Variants in TTC39B observed in about 807,000 individuals in gnomAD.
TTC39B encodes tetratricopeptide repeat protein 39B.
Under a neutral mutation model 96.6 loss-of-function variants are expected in TTC39B, and 92 were observed. The ratio of observed to expected loss-of-function variants is 0.95; its 90% CI spans 0.80 to 1.13. TTC39B has a LOEUF of 1.13. TTC39B is among the 50% of genes most tolerant of loss of function. The pLI is 0.00. For synonymous variants in TTC39B, 367 were observed against 299.4 expected (o/e 1.23, Z -2.33); for missense variants, 955 against 809.3 (o/e 1.18, Z -2.18).
chr9:15,268,136 G>C (rs1281249456), intron 1 of TTC39B, among the ~76,000 whole-genome samples, 188 bp from the exon 2 acceptor site: 2 of 152,184 alleles, frequency 1.3e-5, no homozygotes, highest in African/African-American at 4.8e-5. Flanking sequence ...ATGCATTTCA[G>C]TGACGTTTAA....
intron 1 of TTC39B, among the ~76,000 whole-genome samples, chr9:15,276,104 T>A (rs1488774040): frequency 1.3e-5 from 2 of 152,090 alleles, no homozygotes; most frequent in Non-Finnish European, 2.9e-5. Flanking sequence ...TGTGGAAAAA[T>A]TTAAGAAATT....
At chr9:15,239,297 A>G (rs1821929100) in intron 2 of TTC39B, among the ~76,000 whole-genome samples, 1 of 152,218 alleles carries the variant, frequency 6.6e-6, no homozygotes, top group African/African-American at 2.4e-5. Flanking sequence ...AGAAAAGGGA[A>G]CACTTGTACA....
intron 2 of TTC39B, among the ~76,000 whole-genome samples, chr9:15,231,410 T>C (rs371863063): frequency 7.2e-5 from 11 of 152,348 alleles, no homozygotes; most frequent in African/African-American, 2.4e-4. Flanking sequence ...TATGGTGGTA[T>C]CTCACTGTAG....
intron 1 of TTC39B, among the ~76,000 whole-genome samples, chr9:15,286,361 T>C (rs1563789757): frequency 1.3e-5 from 2 of 152,338 alleles, no homozygotes; most frequent in African/African-American, 2.4e-5. Flanking sequence ...TTTTAAACAG[T>C]AGTATCTTCC....
exon 20 of TTC39B, chr9:15,167,003 TATATATATATATATATATATATA>T (rs1392666191): frequency 0.027 from 231 of 8,462 alleles, 18 homozygotes; most frequent in African/African-American, 0.069. Flanking sequence ...TATATATATA[TATATATATATATATATATATATA>T]TATTTTTTTT....
intron 1 of TTC39B, among the ~76,000 whole-genome samples, chr9:15,293,075 T>C (rs1392891759): frequency 6.6e-6 from 1 of 152,260 alleles, no homozygotes; most frequent in Non-Finnish European, 1.5e-5. Flanking sequence ...AAGTGCCCTA[T>C]ACAGGTGTAC....
intron 2 of TTC39B, among the ~76,000 whole-genome samples, chr9:15,239,928 A>T (rs1448190356): frequency 6.6e-6 from 1 of 152,238 alleles, no homozygotes; most frequent in Non-Finnish European, 1.5e-5. Context: ...AAAAAATGGT[A>T]TCCACTAGAA....
chr9:15,209,166 T>C (rs549477336), intron 6 of TTC39B, among the ~76,000 whole-genome samples: 79 of 152,336 alleles, frequency 5.2e-4, no homozygotes, highest in South Asian at 1.7e-3. Context: ...GAAGGACTTT[T>C]TTTTTTCCTT....
chr9:15,220,963 G>A (rs1026598143), intron 3 of TTC39B, among the ~76,000 whole-genome samples: 12 of 152,200 alleles, frequency 7.9e-5, no homozygotes, highest in African/African-American at 2.9e-4. Context: ...AGACATTTTG[G>A]GCAAGAAAAC....
exon 20 of TTC39B, chr9:15,171,423 G>C (rs1817654342): frequency 6.6e-6 from 1 of 152,000 alleles, no homozygotes; most frequent in Non-Finnish European, 1.5e-5. Flanking sequence ...ATCAAATGAA[G>C]AGTAAAAAAC....
At chr9:15,201,715 T>C (rs980422028) in intron 7 of TTC39B, among the ~76,000 whole-genome samples, 2 of 152,138 alleles carry the variant, frequency 1.3e-5, no homozygotes, top group Admixed American at 1.3e-4. Context: ...GCTACTCAAG[T>C]ATGCAAACCC....
chr9:15,273,231 C>T (rs1159269318), intron 1 of TTC39B, among the ~76,000 whole-genome samples: 1 of 152,190 alleles, frequency 6.6e-6, no homozygotes, highest in Non-Finnish European at 1.5e-5. Flanking sequence ...ATGCTATTAA[C>T]AGTAGTAATG....
exon 19 of TTC39B, chr9:15,175,129 C>G (rs1450904623): frequency 3.1e-6 from 5 of 1,605,664 alleles, no homozygotes; most frequent in East Asian, 4.5e-5. Flanking sequence ...ACTTCAGTAG[C>G]TTTTCACTGA....
chr9:15,285,025 G>T (rs1422384560), intron 1 of TTC39B, among the ~76,000 whole-genome samples: 2 of 152,090 alleles, frequency 1.3e-5, no homozygotes, highest in African/African-American at 2.4e-5. Context: ...ACTTTGGGAG[G>T]CCGAGGCGAG....
chr9:15,276,584 C>T (rs1199068430), intron 1 of TTC39B, among the ~76,000 whole-genome samples: 2 of 152,200 alleles, frequency 1.3e-5, no homozygotes, highest in Non-Finnish European at 2.9e-5. Flanking sequence ...GCTCAAGTGT[C>T]TAGGAAGCAA....
intron 2 of TTC39B, among the ~76,000 whole-genome samples, chr9:15,244,374 A>G (rs2131481679): frequency 6.6e-6 from 1 of 152,374 alleles, no homozygotes; most frequent in East Asian, 1.9e-4. Context: ...TACGCCAGTC[A>G]CTGGCGGGCA....
chr9:15,261,297 A>G (rs1262648412), intron 2 of TTC39B, among the ~76,000 whole-genome samples: 1 of 152,050 alleles, frequency 6.6e-6, no homozygotes, highest in African/African-American at 2.4e-5. Flanking sequence ...TGGGTAACAT[A>G]GGGAGACTGC....
chr9:15,198,184 C>T (rs945489628), intron 8 of TTC39B, among the ~76,000 whole-genome samples: 2 of 152,106 alleles, frequency 1.3e-5, no homozygotes, highest in African/African-American at 4.8e-5. Context: ...AAGGGCCAGG[C>T]GCAGTGGCTC....
chr9:15,186,306 T>C (rs1362912384), intron 15 of TTC39B, among the ~76,000 whole-genome samples: 1 of 151,954 alleles, frequency 6.6e-6, no homozygotes, highest in Non-Finnish European at 1.5e-5. Flanking sequence ...AGTGGAAATG[T>C]GAGGTGGGGG....
Sources: allele counts gnomAD v4.1 joint callset (sites outside exome capture counted in the v4.1 genomes callset), GRCh38; gene constraint gnomAD v4.1.1; transcripts MANE v1.5; gene names NCBI Gene and HGNC (gene_info 2026-07-23, HGNC 2026-07-21).